The following KIAA0753 variants were observed in gnomAD, a reference collection of about 807,000 sequenced individuals.
The protein encoded by KIAA0753 is protein moonraker.
Under a neutral mutation model 116.9 loss-of-function variants are expected in KIAA0753, and 114 were observed. That is an observed-to-expected ratio of 0.98 (90% CI 0.84 to 1.14). The LOEUF is 1.14. Among genes scored for constraint, KIAA0753 ranks in the 50% most tolerant of loss-of-function variants. The pLI is 0.00. For synonymous variants in KIAA0753, 405 were observed against 413.1 expected, an observed-to-expected ratio of 0.98 and a Z score of 0.24; for missense variants, 1,156 against 1,172.4, an observed-to-expected ratio of 0.99 and a Z score of 0.20.
rs1003799036 is a variant in KIAA0753, at chr17:6,578,734, C to A, written c.*1013G>T. ...GAGAGAAAGTCTTTCCAGGCAGTGG[C>A]CTGATTCTTACGCACATTCCGTTTC... On this transcript the variant is annotated 3_prime_UTR_variant, in exon 19 of 19. Transcript: ENST00000361413. 2 of 152,202 alleles carry A rather than the reference C, an allele frequency of 1.3e-5. No individual in the cohort carries two copies. Among genetic ancestry groups the A allele is most frequent in the Non-Finnish European group, 2.9e-5 (2 of 68,036 alleles). The allele number at this position is 152,202 out of a possible 1,614,324, so 9.4% of individuals were successfully genotyped here.
intron 18 of KIAA0753, among the ~76,000 whole-genome samples, chr17:6,582,325 G>A (rs986559263): frequency 2.6e-4 from 40 of 152,288 alleles, no homozygotes; most frequent in African/African-American, 6.3e-4. Flanking sequence ...GCTTCATGCC[G>A]TTAATATGAT....
In KIAA0753 at chr17:6,579,754, G is replaced by A; in HGVS notation, c.2897C>T (p.Ala966Val). Residue 966 changes from alanine to valine, a missense_variant, in exon 19 of 19, where the codon GCT becomes GTT. Transcript: ENST00000361413. The stretch of plus-strand genomic sequence containing the variant: ...CCTCGCCTCAGAGAGCCTTTATGTA[G>A]CAGCCTCTAAGAATTCTGAGGTGAA... ...AVFTSEFLEAAT is the reference protein window; with the variant it reads ...AVFTSEFLEAVT 1 of 1,609,270 alleles carries A rather than the reference G, an allele frequency of 6.2e-7. No individual in the cohort carries two copies. Among genetic ancestry groups the A allele is most frequent in the African/African-American group, 1.3e-5 (1 of 74,964 alleles).
chr17:6,624,095 A>G (rs1971502721), intron 4 of KIAA0753: 1 of 152,466 alleles, frequency 6.6e-6, no homozygotes, highest in South Asian at 2.1e-4. Context: ...TTCAAGCAAT[A>G]AAGGCTAACA....
At chr17:6,619,131 A>AG in intron 7 of KIAA0753, among the ~76,000 whole-genome samples, 1 of 152,202 alleles carries the variant, frequency 6.6e-6, no homozygotes, top group South Asian at 2.1e-4. Flanking sequence ...CAAGAGGCTG[A>AG]GGCAGGAGAA....
At chr17:6,588,682 C>T (rs771046573) in intron 18 of KIAA0753, among the ~76,000 whole-genome samples, 5 of 152,070 alleles carry the variant, frequency 3.3e-5, no homozygotes, top group South Asian at 2.1e-4. Flanking sequence ...TTATAGTATA[C>T]TACTTAGCTC....
At chr17:6,620,234 T>C (rs1971209782) in intron 7 of KIAA0753, among the ~76,000 whole-genome samples, 1 of 152,146 alleles carries the variant, frequency 6.6e-6, no homozygotes, top group South Asian at 2.1e-4. Context: ...GCTTTTAAAA[T>C]TTTATTATAT....
intron 2 of KIAA0753, among the ~76,000 whole-genome samples, chr17:6,629,846 A>C (rs1203266153): frequency 6.6e-6 from 1 of 152,250 alleles, no homozygotes; most frequent in African/African-American, 2.4e-5. Flanking sequence ...CACTAAAGAA[A>C]AAACAAATAG....
At position 6,590,191 on chromosome 17, in the gene KIAA0753, G is replaced by T. The variant is rs531040945; in HGVS notation, c.2562-188C>A. Among the ~76,000 whole-genome samples the T allele has an allele frequency of 2.0e-5, 3 of 152,246 alleles. No individual in the cohort carries two copies. In the East Asian group the frequency reaches 5.8e-4, roughly 29 times the overall value. Reference sequence around the variant, plus strand: ...CACGGAACCAACCCTCAACATGTGGGACTATCTGTCCCTTAAACAACAGCA... The same window carrying T: ...CACGGAACCAACCCTCAACATGTGGTACTATCTGTCCCTTAAACAACAGCA... On this transcript the variant is annotated intron_variant, in intron 17 of 18. Transcript: ENST00000361413.
intron 14 of KIAA0753, 25 bp from the exon 15 acceptor site, chr17:6,596,368 G>A (rs770346559): frequency 6.4e-6 from 10 of 1,572,156 alleles, no homozygotes; most frequent in Non-Finnish European, 8.7e-6. Context: ...GGGGTGGGGA[G>A]GAGAGGCATG....
intron 18 of KIAA0753, among the ~76,000 whole-genome samples, chr17:6,582,484 A>T (rs1199983785): frequency 6.6e-6 from 1 of 152,226 alleles, no homozygotes; most frequent in African/African-American, 2.4e-5. Context: ...GTAAATGCAG[A>T]TAAGTTTCAC....
At chr17:6,605,974 C>A (rs552732178) in intron 12 of KIAA0753, among the ~76,000 whole-genome samples, 1 of 152,184 alleles carries the variant, frequency 6.6e-6, no homozygotes, top group East Asian at 1.9e-4. Context: ...TCACAGAGAA[C>A]CAAACTTCAA....
intron 16 of KIAA0753, among the ~76,000 whole-genome samples, chr17:6,592,107 A>G (rs1374575428): frequency 1.3e-5 from 2 of 152,366 alleles, no homozygotes; most frequent in Non-Finnish European, 2.9e-5. Context: ...CTTGACTGTT[A>G]TGTGAGAATG....
chr17:6,590,721 G>A, intron 16 of KIAA0753, 91 bp from the exon 17 acceptor site: 2 of 1,401,316 alleles, frequency 1.4e-6, no homozygotes, highest in Middle Eastern at 2.3e-4. Flanking sequence ...CTGAGAGCAA[G>A]TTACATGGAC....
intron 18 of KIAA0753, among the ~76,000 whole-genome samples, chr17:6,587,003 G>C (rs374502458): frequency 9.8e-5 from 15 of 152,304 alleles, no homozygotes; most frequent in African/African-American, 3.6e-4. Context: ...GAGAGGCTGA[G>C]GCGGGTGGAT....
chr17:6,602,539 T>C (rs1597503009), intron 12 of KIAA0753, among the ~76,000 whole-genome samples: 1 of 152,064 alleles, frequency 6.6e-6, no homozygotes, highest in East Asian at 1.9e-4. Context: ...GATGATTCTA[T>C]TCATATAAAG....
Position 6,596,308 on chromosome 17 carries a change from A to G in KIAA0753, c.2208T>C (p.Arg736=), listed in dbSNP as rs546943987. ...AATCTTCCAAAAAATCATCAAGCTG[A>G]CGAATGTTGTTGGATTCAAAATCAA... ...AAVDFESNNI[R]QLDDFLEDCA... The change falls in exon 15 of 19, where the codon CGT becomes CGC. Residue 736 remains arginine (R), a synonymous_variant. Transcript: ENST00000361413. The G allele has an allele frequency of 1.2e-6, 2 of 1,610,854 alleles. No individual in the cohort carries two copies. Among genetic ancestry groups the G allele is most frequent in the East Asian group, 2.2e-5 (1 of 44,660 alleles).
intron 9 of KIAA0753, among the ~76,000 whole-genome samples, chr17:6,608,700 A>G (rs940841744): frequency 1.3e-5 from 2 of 152,262 alleles, no homozygotes; most frequent in Non-Finnish European, 2.9e-5. Flanking sequence ...TTTAAATGAG[A>G]AACAGTGATC....
chr17:6,608,531 G>C lies in KIAA0753; in HGVS notation c.1713-67C>G, dbSNP rs535345563. 102 of 816,066 alleles carry C rather than the reference G, an allele frequency of 1.2e-4. 1 individual carries two copies. In the South Asian group the frequency reaches 1.5e-3, roughly 12 times the overall value. The allele number at this position is 816,066 out of a possible 1,614,324, so 50.6% of individuals were successfully genotyped here. Reference sequence around the variant, plus strand: ...CGTATCCAATGACTCATCCAAGTAGGTGCCAGCTCAGAGATGACAACAGCA... The same window carrying C: ...CGTATCCAATGACTCATCCAAGTAGCTGCCAGCTCAGAGATGACAACAGCA... On this transcript the variant is annotated intron_variant, in intron 9 of 18. Transcript: ENST00000361413.
At position 6,628,235 on chromosome 17, in the gene KIAA0753, A is replaced by C. The variant is rs1372440399; in HGVS notation, c.600T>G (p.Pro200=). ...TTTTGTGGTCACCTATCCTGGGATG[A>C]GGCTGAAGTCCCGGATCATGGGTGG... The part of the protein sequence containing the change: ...SPPTHDPGLQ[P]HPRIGDHKNI... Residue 200 remains proline, a synonymous_variant, in exon 3 of 19, where the codon CCT becomes CCG. Coordinates refer to ENST00000361413, the MANE Select transcript of KIAA0753 (RefSeq NM_014804.3). The C allele has an allele frequency of 6.2e-7, 1 of 1,614,118 alleles. No homozygotes were observed. The highest frequency in any genetic ancestry group is 1.1e-5 in the South Asian group (1 of 91,076).
Sources: allele counts gnomAD v4.1 joint callset (sites outside exome capture counted in the v4.1 genomes callset), GRCh38; gene constraint gnomAD v4.1.1; transcripts MANE v1.5; gene names NCBI Gene and HGNC (gene_info 2026-07-23, HGNC 2026-07-21).